Variants in RBM44 observed in about 807,000 individuals in gnomAD.
The protein encoded by RBM44 is RNA binding motif protein 44.
In RBM44, 66 loss-of-function variants were observed where a neutral mutation model predicts 105.1. The ratio of observed to expected loss-of-function variants is 0.63; its 90% CI spans 0.52 to 0.77. RBM44 has a LOEUF of 0.77. Ranked by LOEUF, RBM44 falls within the 30% of genes least tolerant of loss-of-function variation. The pLI is 0.00. For missense variants in RBM44, 1,122 were observed against 1,207.8 expected, an observed-to-expected ratio of 0.93 and a Z score of 1.05; for synonymous variants, 365 against 417.6, an observed-to-expected ratio of 0.87 and a Z score of 1.54.
intron 1 of RBM44, 76 bp from the exon 2 acceptor site, chr2:237,813,516 T>C (rs2061680243): frequency 1.4e-6 from 1 of 733,450 alleles, no homozygotes; most frequent in South Asian, 2.1e-5. Flanking sequence ...AAAGGACATA[T>C]CTTTCTGTCC....
intron 13 of RBM44, 42 bp from the exon 14 acceptor site, chr2:237,833,955 G>C: frequency 8.3e-7 from 1 of 1,203,624 alleles, no homozygotes; most frequent in African/African-American, 1.5e-5. Flanking sequence ...TTATGTAATG[G>C]TCCTTACTGA....
chr2:237,820,956 C>A, intron 5 of RBM44, 115 bp from the exon 6 acceptor site: 1 of 692,910 alleles, frequency 1.4e-6, no homozygotes, highest in Non-Finnish European at 2.3e-6. Context: ...GAGGCTGAGA[C>A]AGGAGGATTG....
At chr2:237,827,839 A>G (rs544435861) in intron 12 of RBM44, among the ~76,000 whole-genome samples, 141 of 152,274 alleles carry the variant, frequency 9.3e-4, no homozygotes, top group African/African-American at 3.3e-3. Context: ...CATCGGTTCA[A>G]TTCCCAGCTC....
At chr2:237,820,522 C>T (rs1479150335) in intron 5 of RBM44, 171 bp downstream of exon 5, 4 of 470,288 alleles carry the variant, frequency 8.5e-6, no homozygotes, top group African/African-American at 8.2e-5. Context: ...CATGGAGGGG[C>T]CACAGTGCGT....
At chr2:237,807,572 T>G (rs116261146) in intron 1 of RBM44, among the ~76,000 whole-genome samples, 234 of 152,292 alleles carry the variant, frequency 1.5e-3, no homozygotes, top group African/African-American at 5.4e-3. Flanking sequence ...TACAAACAAC[T>G]TTTGCCCTGA....
intron 11 of RBM44, 34 bp downstream of exon 11, chr2:237,827,363 C>A: frequency 6.8e-7 from 1 of 1,475,596 alleles, no homozygotes; most frequent in South Asian, 1.2e-5. Flanking sequence ...GCTTCATTTT[C>A]AAATTTATTA....
At chr2:237,808,033 C>G in intron 1 of RBM44, among the ~76,000 whole-genome samples, 1 of 151,998 alleles carries the variant, frequency 6.6e-6, no homozygotes, top group Non-Finnish European at 1.5e-5. Context: ...ATAGACAATA[C>G]AAACAGATCC....
chr2:237,805,233 C>CT (rs1211302722), intron 1 of RBM44, among the ~76,000 whole-genome samples: 2 of 152,132 alleles, frequency 1.3e-5, no homozygotes, highest in East Asian at 3.8e-4. Context: ...CATAATACCA[C>CT]TTACAATAGT....
chr2:237,808,494 AC>A (rs2061622155), intron 1 of RBM44, among the ~76,000 whole-genome samples: 1 of 151,754 alleles, frequency 6.6e-6, no homozygotes, highest in African/African-American at 2.4e-5. Flanking sequence ...AAAAAAAAAA[AC>A]TAGGTAAAAA....
chr2:237,817,152 A>G lies in RBM44; in HGVS notation c.233A>G (p.Glu78Gly). ...AATATTGACAAAATGGATTTATTAG[A>G]GCCATTTTTTTCAGTGAGTCAAGAT... ...ISNIDKMDLL[E>G]PFFSVSQDTN... The change falls in exon 3 of 16, where the codon GAG becomes GGG. Residue 78 changes from glutamate (E) to glycine (G), a missense_variant. Transcript: ENST00000316997. 1 of 1,607,646 alleles carries G rather than the reference A, an allele frequency of 6.2e-7. No individual in the cohort carries two copies. Among genetic ancestry groups the G allele is most frequent in the African/African-American group, 1.3e-5 (1 of 74,592 alleles).
chr2:237,830,128 G>T (rs2061889413), intron 13 of RBM44, among the ~76,000 whole-genome samples: 1 of 152,130 alleles, frequency 6.6e-6, no homozygotes, highest in Non-Finnish European at 1.5e-5. Flanking sequence ...ATTATCTTGT[G>T]CTCTGATCTG....
rs376699974 is a variant in RBM44 at position 237,826,119 on chromosome 2, C to T, written c.2450-1131C>T. ...GCCATGTTGCCTGGAGCATCAGAAA[C>T]ATTGGATAAGTGTTAGGCTACTCTT... On this transcript the variant is annotated intron_variant, in intron 10 of 15. Transcript: ENST00000316997. 2.6e-5 allele frequency among the ~76,000 whole-genome samples: 4 copies of T among 152,084 alleles called. No homozygotes were observed. The East Asian group carries it at 5.8e-4, about 22-fold the overall frequency.
intron 1 of RBM44, among the ~76,000 whole-genome samples, chr2:237,806,667 C>A (rs2061602045): frequency 6.6e-6 from 1 of 151,662 alleles, no homozygotes; most frequent in Non-Finnish European, 1.5e-5. Context: ...GACAGTGTTC[C>A]TGAGAGAAGG....
At chr2:237,804,245 G>C (rs1353521184) in intron 1 of RBM44, among the ~76,000 whole-genome samples, 1 of 152,204 alleles carries the variant, frequency 6.6e-6, no homozygotes, top group Admixed American at 6.5e-5. Flanking sequence ...ATTGTGAATA[G>C]CACAGTGATG....
rs773855320 is a variant in RBM44 at position 237,817,078 on chromosome 2, C to G, written c.159C>G (p.Asp53Glu). 6.2e-7 allele frequency: 1 copy of G among 1,602,984 alleles called. No individual in the cohort carries two copies. Among genetic ancestry groups the G allele is most frequent in the Non-Finnish European group, 8.5e-7 (1 of 1,175,432 alleles). Residue 53 changes from aspartate to glutamate, a missense_variant, in exon 3 of 16, where the codon GAC becomes GAG. Physicochemically the swap from Asp to Glu is conservative, Grantham distance 45. Around this residue, in one of 3 missense-constraint regions of RBM44, gnomAD observed 918 missense variants for 955.3 expected, o/e 0.96. Transcript: ENST00000316997. The part of the protein sequence containing the change: ...DEVKLTFPDD[D>E]WNSSTLEQRA... The stretch of plus-strand genomic sequence containing the variant: ...TCAAATTGACTTTTCCTGATGATGA[C>G]TGGAATTCTTCGACACTAGAGCAAA...
At chr2:237,802,490 T>A (rs1157432527) in intron 1 of RBM44, among the ~76,000 whole-genome samples, 2 of 152,184 alleles carry the variant, frequency 1.3e-5, no homozygotes, top group African/African-American at 4.8e-5. Flanking sequence ...AAAACCGGTG[T>A]CTGGTACCAA....
At position 237,817,729 on chromosome 2, in the gene RBM44, A is replaced by AAG; in HGVS notation, c.814_815dup (p.Tyr273AsnfsTer5). 6.2e-7 allele frequency: 1 copy of AAG among 1,612,434 alleles called. No individual in the cohort carries two copies. The highest frequency in any genetic ancestry group is 8.5e-7 in the Non-Finnish European group (1 of 1,179,156). On this transcript the variant is annotated frameshift_variant, in exon 3 of 16. Transcript: ENST00000316997. LOFTEE classifies it high-confidence loss of function. The stretch of plus-strand genomic sequence containing the variant: ...CCAAATTTCAGAATTCTGTTATGTT[A>AAG]AGAGAATATCATGACCTAAAGCATG...
At chr2:237,834,662 G>A (rs952202578) in intron 15 of RBM44, 1 of 198,038 alleles carries the variant, frequency 5.0e-6, no homozygotes. Context: ...TCAGGATTCA[G>A]GAGTGACTTA....
intron 15 of RBM44, among the ~76,000 whole-genome samples, chr2:237,839,180 C>A (rs2061986863): frequency 6.6e-6 from 1 of 152,146 alleles, no homozygotes; most frequent in Non-Finnish European, 1.5e-5. Context: ...TACATATGTG[C>A]CAGTTGATAT....
Sources: gnomAD v4.1 joint callset for allele counts (sites outside exome capture counted in the v4.1 genomes callset) on GRCh38, gnomAD v4.1.1 for gene constraint, gnomAD v4.1.1 regional missense constraint, MANE v1.5 for transcripts, NCBI Gene and HGNC (gene_info 2026-07-23, HGNC 2026-07-21) for gene names.